Variants in CDH23 observed in about 807,000 individuals in gnomAD.
The protein encoded by CDH23 is cadherin-23.
Under a neutral mutation model 317.1 loss-of-function variants are expected in CDH23, and 189 were observed. That is an observed-to-expected ratio of 0.60 (90% CI 0.53 to 0.67). The LOEUF (loss-of-function observed/expected upper bound fraction) is 0.67, where lower values mean the gene tolerates loss of function less well. Ranked by LOEUF, CDH23 falls within the 30% of genes least tolerant of loss-of-function variation. The pLI is 0.00. For synonymous variants in CDH23, 1,839 were observed against 1,876.8 expected, an observed-to-expected ratio of 0.98 and a Z score of 0.52; for missense variants, 4,401 against 4,592.4, an observed-to-expected ratio of 0.96 and a Z score of 1.20.
At position 71,802,987 on chromosome 10, in the gene CDH23, G is replaced by A. The variant is rs10823849; in HGVS notation, c.7572G>A (p.Ala2524=). Residue 2524 remains alanine, a synonymous_variant, in exon 54 of 70, where the codon GCG becomes GCA. Coordinates refer to ENST00000224721, the MANE Select transcript of CDH23 (RefSeq NM_022124.6). The stretch of plus-strand genomic sequence containing the variant: ...CAAGCGTGTATGAGAATGAGCCGGC[G>A]GGCACCTCGGTCATCACCATGATGG... ...FSTSVYENEP[A]GTSVITMMAT... 0.29 allele frequency: 465,518 copies of A among 1,613,728 alleles called. 70,525 individuals are homozygous for A. Among genetic ancestry groups the A allele is most frequent in the East Asian group, 0.57 (25,555 of 44,860 alleles).
In CDH23 at chr10:71,538,410, G is replaced by A. The variant is rs757641813; in HGVS notation, c.429+27198G>A. Reference sequence around the variant, plus strand: ...AGAATTGGAAGGGACCTTCCAGCCTGTCTGGCCTCACTCGACGTTTGGGAA... The same window carrying A: ...AGAATTGGAAGGGACCTTCCAGCCTATCTGGCCTCACTCGACGTTTGGGAA... On this transcript the variant is annotated intron_variant, in intron 6 of 69. Transcript: ENST00000224721. Among the ~76,000 whole-genome samples, 38 of 152,170 alleles carry A rather than the reference G, an allele frequency of 2.5e-4. No individual in the cohort carries two copies. The Middle Eastern group carries it at 0.01, about 41-fold the overall frequency.
In CDH23 at chr10:71,807,418, C is replaced by G. The variant is rs375788101; in HGVS notation, c.8308+12C>G. ...CTACTTCATCGCAGGTGGGGCCAGA[C>G]AGAGCTAGTGCCCTGATTACCCTGG... is the stretch of plus-strand genomic sequence containing the variant. On this transcript the variant is annotated intron_variant, in intron 58 of 69. Coordinates refer to ENST00000224721, the MANE Select transcript of CDH23 (RefSeq NM_022124.6). The G allele has an allele frequency of 2.2e-5, 36 of 1,613,666 alleles. No homozygotes were observed. In the African/African-American group the frequency reaches 4.3e-4, roughly 19 times the overall value.
At chr10:71,741,318 A>G (rs1194755659) in intron 37 of CDH23, among the ~76,000 whole-genome samples, 3 of 152,132 alleles carry the variant, frequency 2.0e-5, no homozygotes, top group Non-Finnish European at 4.4e-5. Context: ...ACGTTCATGA[A>G]GGCAGGATGA....
At chr10:71,506,958 C>T (rs1031154785) in intron 3 of CDH23, among the ~76,000 whole-genome samples, 3 of 152,158 alleles carry the variant, frequency 2.0e-5, no homozygotes, top group African/African-American at 7.2e-5. Context: ...TGGCCCCATC[C>T]CTGTCCTGCC....
At chr10:71,792,385 T>G (rs140940902) in intron 47 of CDH23, among the ~76,000 whole-genome samples, 5 of 152,182 alleles carry the variant, frequency 3.3e-5, no homozygotes, top group African/African-American at 9.6e-5. Context: ...CTTAGGTGAA[T>G]AACTCATTTC....
At chr10:71,810,318 T>G (rs915468069) in intron 61 of CDH23, among the ~76,000 whole-genome samples, 154 bp from the exon 62 acceptor site, 10 of 152,230 alleles carry the variant, frequency 6.6e-5, no homozygotes, top group Admixed American at 6.5e-4. Flanking sequence ...ATGAAGTGAT[T>G]GGCACCGTGC....
chr10:71,739,487 G>A (rs78898324), intron 35 of CDH23, among the ~76,000 whole-genome samples, 157 bp from the exon 36 acceptor site: 3,076 of 152,238 alleles, frequency 0.02, 213 homozygotes, highest in East Asian at 0.19. Flanking sequence ...CATTTTGAGG[G>A]AGATGAATCA....
intron 31 of CDH23, among the ~76,000 whole-genome samples, chr10:71,730,933 G>A (rs2132821364): frequency 6.6e-6 from 1 of 152,372 alleles, no homozygotes; most frequent in East Asian, 1.9e-4. Context: ...GGGGTAAAGA[G>A]GACCGGTCAG....
intron 39 of CDH23, 118 bp from the exon 40 acceptor site, chr10:71,778,071 G>C: frequency 6.8e-7 from 1 of 1,478,578 alleles, no homozygotes. Flanking sequence ...TGGGCTAGGG[G>C]GTGGCAGTGG....
intron 20 of CDH23, among the ~76,000 whole-genome samples, chr10:71,691,371 G>T (rs1865177865): frequency 6.6e-6 from 1 of 151,674 alleles, no homozygotes; most frequent in Non-Finnish European, 1.5e-5. Context: ...TGAGCCAGGT[G>T]CTGGGGTACA....
intron 8 of CDH23, among the ~76,000 whole-genome samples, chr10:71,574,907 C>G (rs1486824178): frequency 1.3e-5 from 2 of 152,166 alleles, no homozygotes; most frequent in African/African-American, 4.8e-5. Flanking sequence ...CCCAGGCACA[C>G]CCCACACTGC....
intron 9 of CDH23, among the ~76,000 whole-genome samples, chr10:71,587,692 A>G (rs1372437947): frequency 1.3e-5 from 2 of 152,162 alleles, no homozygotes; most frequent in Non-Finnish European, 2.9e-5. Context: ...CACCTCAGAA[A>G]AGGTCTCCAA....
intron 6 of CDH23, among the ~76,000 whole-genome samples, chr10:71,541,128 C>T (rs914347785): frequency 6.6e-6 from 1 of 152,156 alleles, no homozygotes; most frequent in African/African-American, 2.4e-5. Flanking sequence ...AATAGACAGT[C>T]ATCAGGCTCT....
At chr10:71,694,526 G>T (rs1314330294) in intron 21 of CDH23, among the ~76,000 whole-genome samples, 1 of 152,126 alleles carries the variant, frequency 6.6e-6, no homozygotes, top group South Asian at 2.1e-4. Flanking sequence ...AATCCAGGAG[G>T]GCAGGTGGCA....
At chr10:71,571,420 C>T (rs1857798202) in intron 8 of CDH23, among the ~76,000 whole-genome samples, 1 of 152,212 alleles carries the variant, frequency 6.6e-6, no homozygotes, top group African/African-American at 2.4e-5. Context: ...TCCCTAATGC[C>T]CAGTCTTTGG....
chr10:71,810,611 G>C (rs774921227), intron 62 of CDH23, 42 bp downstream of exon 62: 2 of 1,580,170 alleles, frequency 1.3e-6, no homozygotes, highest in African/African-American at 2.7e-5. Flanking sequence ...CTGTCTGTCT[G>C]CCTGCCTCCC....
At chr10:71,811,280 G>A (rs750365119) in intron 62 of CDH23, 35 bp from the exon 63 acceptor site, 2 of 1,612,940 alleles carry the variant, frequency 1.2e-6, no homozygotes, top group South Asian at 2.2e-5. Flanking sequence ...GGGAATGGCT[G>A]AGGAGGAGAG....
chr10:71,439,683 C>T, intron 1 of CDH23, 144 bp from the exon 2 acceptor site: 1 of 639,498 alleles, frequency 1.6e-6, no homozygotes, highest in East Asian at 2.7e-5. Flanking sequence ...CCATGTGCTC[C>T]TAAACCCTCC....
At chr10:71,532,712 TTTTTTTTTTTTTTTG>T (rs1453977009) in intron 6 of CDH23, among the ~76,000 whole-genome samples, 83 of 32,272 alleles carry the variant, frequency 2.6e-3, no homozygotes, top group African/African-American at 0.01. Flanking sequence ...TTTGTTTTTG[TTTTTTTTTTTTTTTG>T]TTTTTTTTTT....
Sources: allele counts gnomAD v4.1 joint callset (sites outside exome capture counted in the v4.1 genomes callset), GRCh38; gene constraint gnomAD v4.1.1; transcripts MANE v1.5; gene names NCBI Gene and HGNC (gene_info 2026-07-23, HGNC 2026-07-21).